The following SRGAP3 variants were observed in gnomAD, a reference collection of about 807,000 sequenced individuals.
SRGAP3 encodes the protein SLIT-ROBO Rho GTPase-activating protein 3.
In SRGAP3, 39 loss-of-function variants were observed where a neutral mutation model predicts 121.1. The observed-to-expected ratio is 0.32, with a 90% CI of 0.25 to 0.42. The LOEUF (loss-of-function observed/expected upper bound fraction) is 0.42, where lower values mean the gene tolerates loss of function less well. SRGAP3 is among the 10% of genes least tolerant of loss of function. The pLI, the probability that SRGAP3 is intolerant of heterozygous loss-of-function variation, is 1.00. For synonymous variants in SRGAP3, 601 were observed against 570.0 expected (o/e 1.05, Z -0.77); for missense variants, 1,213 against 1,470.6 (o/e 0.82, Z 2.86).
intron 1 of SRGAP3, chr3:9,194,590 T>G (rs1202453353): frequency 6.6e-6 from 1 of 152,348 alleles, no homozygotes; most frequent in East Asian, 1.9e-4. Context: ...TCTGAGGCTG[T>G]GCAGGGCTGA....
intron 3 of SRGAP3, among the ~76,000 whole-genome samples, chr3:9,100,081 T>G (rs538695897): frequency 1.3e-5 from 2 of 152,336 alleles, no homozygotes; most frequent in South Asian, 4.1e-4. Context: ...AAATCGTGAT[T>G]TTGGGAGAAA....
chr3:9,161,489 G>GC (rs1950597115), intron 1 of SRGAP3, among the ~76,000 whole-genome samples: 5 of 152,310 alleles, frequency 3.3e-5, no homozygotes, highest in Admixed American at 3.3e-4. Flanking sequence ...GAAACAACTT[G>GC]CCCAAGGTCA....
chr3:9,231,848 A>C (rs1179182408), intron 1 of SRGAP3, among the ~76,000 whole-genome samples: 2 of 152,228 alleles, frequency 1.3e-5, no homozygotes, highest in Non-Finnish European at 2.9e-5. Context: ...TTTAAGGTTG[A>C]TAATGCCCTC....
intron 12 of SRGAP3, among the ~76,000 whole-genome samples, chr3:9,027,303 G>A (rs917597339): frequency 2.6e-5 from 4 of 152,196 alleles, no homozygotes; most frequent in South Asian, 2.1e-4. Flanking sequence ...AACCACCTCG[G>A]GGGGGTGCTG....
chr3:9,058,879 C>T (rs1945981826), intron 6 of SRGAP3: 1 of 227,546 alleles, frequency 4.4e-6, no homozygotes, highest in Non-Finnish European at 8.9e-6. Flanking sequence ...ACCACCAAGC[C>T]CAGCTAATTT....
At chr3:9,037,869 G>A (rs1392946455) in intron 11 of SRGAP3, 194 bp downstream of exon 11, 9 of 704,720 alleles carry the variant, frequency 1.3e-5, no homozygotes, top group East Asian at 2.7e-5. Flanking sequence ...CTGGAGGGGC[G>A]TGGCTTTGTC....
intron 10 of SRGAP3, among the ~76,000 whole-genome samples, chr3:9,041,915 A>G (rs779457688): frequency 1.3e-5 from 2 of 152,168 alleles, no homozygotes; most frequent in Non-Finnish European, 1.5e-5. Context: ...AGCCTGGCCA[A>G]CATGGTGAAA....
chr3:9,359,904 G>A (rs1031364761), intron 1 of SRGAP3, among the ~76,000 whole-genome samples: 4 of 152,134 alleles, frequency 2.6e-5, no homozygotes, highest in African/African-American at 9.7e-5. Flanking sequence ...AATCAATAAG[G>A]CCGCTAGGCA....
At chr3:9,295,486 A>T (rs1346901092) in intron 3 of SRGAP3, among the ~76,000 whole-genome samples, 1 of 152,210 alleles carries the variant, frequency 6.6e-6, no homozygotes, top group Admixed American at 6.5e-5. Context: ...TGATTGGTGG[A>T]TTAACCACAC....
chr3:9,128,850 G>A (rs9853191), intron 1 of SRGAP3, among the ~76,000 whole-genome samples: 21,457 of 152,174 alleles, frequency 0.14, 1,699 homozygotes, highest in African/African-American at 0.22. Context: ...GAATGAGGTT[G>A]TGCAAAACTA....
chr3:9,011,558 C>A (rs1943376666), intron 17 of SRGAP3, among the ~76,000 whole-genome samples: 1 of 152,224 alleles, frequency 6.6e-6, no homozygotes. Context: ...GGCTCCTGTT[C>A]ATTCTGCAGT....
In SRGAP3 at chr3:9,351,991, T is replaced by C. The variant is rs530970239; in HGVS notation, n.214+10849A>G. Among the ~76,000 whole-genome samples, 120 of 152,260 alleles carry C rather than the reference T, an allele frequency of 7.9e-4. 1 individual carries two copies. Among genetic ancestry groups the C allele is most frequent in the African/African-American group, 2.4e-3 (101 of 41,526 alleles). On this transcript the variant is annotated intron_variant and non_coding_transcript_variant, in intron 1 of 3. Transcript: ENST00000490889. ...ACAACGGCAGCTGGGAATTCCCCAG[T>C]TGACCACCACAAGACCACCTCCTGC... is the stretch of plus-strand genomic sequence containing the variant.
chr3:9,277,482 A>G (rs556119845), intron 3 of SRGAP3, among the ~76,000 whole-genome samples: 5 of 151,662 alleles, frequency 3.3e-5, no homozygotes, highest in African/African-American at 1.2e-4. Context: ...GTGGTATGCT[A>G]CTGTAATCCC....
intron 1 of SRGAP3, among the ~76,000 whole-genome samples, chr3:9,143,638 T>C (rs1949933171): frequency 6.6e-6 from 1 of 152,172 alleles, no homozygotes; most frequent in Non-Finnish European, 1.5e-5. Flanking sequence ...TTGTCTGTGT[T>C]TGAAAGGTTG....
intron 1 of SRGAP3, among the ~76,000 whole-genome samples, chr3:9,126,796 G>A (rs1949251609): frequency 6.6e-6 from 1 of 152,050 alleles, no homozygotes; most frequent in Non-Finnish European, 1.5e-5. Flanking sequence ...GAGGGAGGTG[G>A]ATAATGAGAA....
At chr3:9,323,089 A>C (rs1370812440) in intron 3 of SRGAP3, among the ~76,000 whole-genome samples, 3 of 152,000 alleles carry the variant, frequency 2.0e-5, no homozygotes, top group Non-Finnish European at 4.4e-5. Context: ...GTATGATTCC[A>C]TCTGTATGTC....
At chr3:9,200,346 T>A (rs1199703791) in intron 1 of SRGAP3, among the ~76,000 whole-genome samples, 2 of 152,256 alleles carry the variant, frequency 1.3e-5, no homozygotes, top group Non-Finnish European at 2.9e-5. Flanking sequence ...GATTCTTTCA[T>A]TCACTCAATA....
chr3:9,248,147 C>T (rs940882621), intron 1 of SRGAP3, among the ~76,000 whole-genome samples: 1 of 152,256 alleles, frequency 6.6e-6, no homozygotes, highest in Non-Finnish European at 1.5e-5. Flanking sequence ...AGCCAGGCAG[C>T]GCTGACCAGC....
intron 1 of SRGAP3, among the ~76,000 whole-genome samples, chr3:9,178,238 A>T (rs1474067476): frequency 6.6e-6 from 1 of 152,144 alleles, no homozygotes; most frequent in East Asian, 1.9e-4. Context: ...ACTGCACTCC[A>T]GCCTGGGTAA....
Sources: allele counts gnomAD v4.1 joint callset (sites outside exome capture counted in the v4.1 genomes callset), GRCh38; gene constraint gnomAD v4.1.1; transcripts MANE v1.5; gene names NCBI Gene and HGNC (gene_info 2026-07-23, HGNC 2026-07-21).